The following RCAN1 variants were observed in gnomAD, a reference collection of about 807,000 sequenced individuals.
The protein encoded by RCAN1 is calcipressin-1.
A neutral mutation model predicts 22.9 loss-of-function variants in RCAN1; 11 were observed. The observed-to-expected ratio is 0.48, with a 90% CI of 0.30 to 0.79. RCAN1 has a LOEUF of 0.79. Among genes scored for constraint, RCAN1 ranks in the 30% least tolerant of loss-of-function variants. The pLI is 0.06. For synonymous variants in RCAN1, 136 were observed against 142.3 expected (o/e 0.96, Z 0.32); for missense variants, 291 against 337.8 (o/e 0.86, Z 1.09).
intron 1 of RCAN1, among the ~76,000 whole-genome samples, chr21:34,563,255 A>C (rs1397223145): frequency 6.6e-6 from 1 of 152,196 alleles, no homozygotes. Flanking sequence ...TTTTGAGTTA[A>C]AATTTAGGGT....
chr21:34,565,608 T>C (rs567551480), intron 1 of RCAN1, among the ~76,000 whole-genome samples: 1 of 152,344 alleles, frequency 6.6e-6, no homozygotes, highest in South Asian at 2.1e-4. Flanking sequence ...TGTGTGTGTA[T>C]ATGTATTGAA....
chr21:34,540,299 CA>C (rs1985854785), intron 1 of RCAN1, among the ~76,000 whole-genome samples: 1 of 152,280 alleles, frequency 6.6e-6, no homozygotes, highest in East Asian at 1.9e-4. Context: ...AAGTCAGTTA[CA>C]GGGGAAAATT....
In RCAN1 at chr21:34,518,204, G is replaced by C; in HGVS notation, c.639C>G (p.Val213=). The C allele has an allele frequency of 6.2e-7, 1 of 1,614,046 alleles. No homozygotes were observed. Among genetic ancestry groups the C allele is most frequent in the Non-Finnish European group, 8.5e-7 (1 of 1,180,012 alleles). The change falls in exon 4 of 4, where the codon GTC becomes GTG. Residue 213 remains valine, a synonymous_variant. Transcript: ENST00000313806. The surrounding 1 kb of genome is among the most constrained non-coding windows in gnomAD (Gnocchi z 4.2). Reference sequence around the variant, plus strand: ...TCTCTTGATCACTCTCACATACATGGACCACCACGCTGGGAGTGGTGTCAG... The same window carrying C: ...TCTCTTGATCACTCTCACATACATGCACCACCACGCTGGGAGTGGTGTCAG... ...AATDTTPSVV[V]HVCESDQEKE...
intron 1 of RCAN1, among the ~76,000 whole-genome samples, chr21:34,591,005 C>A (rs1220900679): frequency 6.6e-6 from 1 of 152,102 alleles, no homozygotes; most frequent in African/African-American, 2.4e-5. Context: ...CCGTGCACAG[C>A]GAGGCCTCTG....
intron 1 of RCAN1, among the ~76,000 whole-genome samples, chr21:34,556,387 C>T (rs1986573103): frequency 6.6e-6 from 1 of 150,382 alleles, no homozygotes; most frequent in Non-Finnish European, 1.5e-5. Flanking sequence ...GATCGTGCCA[C>T]TGCACTCCAG....
chr21:34,610,602 C>A (rs1988660503), intron 1 of RCAN1, among the ~76,000 whole-genome samples: 1 of 152,212 alleles, frequency 6.6e-6, no homozygotes, highest in Admixed American at 6.5e-5. Flanking sequence ...TCAGGCCAAA[C>A]CCCGGCTTCA....
intron 1 of RCAN1, among the ~76,000 whole-genome samples, chr21:34,581,244 G>C (rs939699041): frequency 1.3e-5 from 2 of 152,094 alleles, no homozygotes; most frequent in Non-Finnish European, 2.9e-5. Context: ...TCAAGATGCT[G>C]TTTCTAGGGT....
intron 1 of RCAN1, among the ~76,000 whole-genome samples, chr21:34,561,917 T>TCC (rs1986805589): frequency 6.6e-6 from 1 of 152,168 alleles, no homozygotes; most frequent in Non-Finnish European, 1.5e-5. Context: ...GGGATTTGGT[T>TCC]CCTTAAAAGG....
At chr21:34,577,472 G>A (rs906969839) in intron 1 of RCAN1, among the ~76,000 whole-genome samples, 6 of 152,014 alleles carry the variant, frequency 3.9e-5, no homozygotes, top group South Asian at 2.1e-4. Flanking sequence ...GGTGGTGTGC[G>A]CCTGTAGTCC....
At chr21:34,526,976 A>C in intron 1 of RCAN1, 1 of 1,340,616 alleles carries the variant, frequency 7.5e-7, no homozygotes, top group Non-Finnish European at 9.5e-7. Context: ...GACAAAGTGT[A>C]AGTTTCTACT....
chr21:34,614,763 G>A lies in RCAN1; in HGVS notation c.249C>T (p.Cys83=). Residue 83 remains cysteine (C), a synonymous_variant, in exon 1 of 4, where the codon TGC becomes TGT. Transcript: ENST00000313806. This position sits in a 1 kb window ranked among gnomAD's most constrained non-coding sequence, Gnocchi z 6.0. ...LDPRVFVDGL[C]RAKFESLFRT... ...GCCCGCCCGGCGCGGTCCTCACCCGGCACAGGCCGTCCACGAACACGCGCG... is the reference window on the plus strand; with the variant it reads ...GCCCGCCCGGCGCGGTCCTCACCCGACACAGGCCGTCCACGAACACGCGCG... 1 of 1,444,434 alleles carries A rather than the reference G, an allele frequency of 6.9e-7. No individual in the cohort carries two copies. The highest frequency in any genetic ancestry group is 9.1e-7 in the Non-Finnish European group (1 of 1,094,338). The allele number at this position is 1,444,434 out of a possible 1,614,324, so 89.5% of individuals were successfully genotyped here. A position where few individuals can be genotyped will look rare whatever the true frequency, so the allele number is the denominator to read the frequency against.
intron 1 of RCAN1, among the ~76,000 whole-genome samples, chr21:34,541,683 C>A (rs1477512553): frequency 6.6e-6 from 1 of 152,220 alleles, no homozygotes; most frequent in Non-Finnish European, 1.5e-5. Flanking sequence ...GCCTGTAATG[C>A]CAGCACTTTG....
chr21:34,553,120 G>T (rs958566079), intron 1 of RCAN1, among the ~76,000 whole-genome samples: 1 of 152,166 alleles, frequency 6.6e-6, no homozygotes, highest in African/African-American at 2.4e-5. Context: ...ACAAACAAAA[G>T]AAACAGACAG....
chr21:34,543,711 C>A (rs1438657730), intron 1 of RCAN1, among the ~76,000 whole-genome samples: 1 of 152,232 alleles, frequency 6.6e-6, no homozygotes, highest in Non-Finnish European at 1.5e-5. Context: ...TTTATTTCTT[C>A]TTCTCCTGAC....
In RCAN1 at chr21:34,523,676, T is replaced by C; in HGVS notation, c.287A>G (p.Lys96Arg). The C allele has an allele frequency of 1.2e-6, 2 of 1,613,930 alleles. No homozygotes were observed. Among genetic ancestry groups the C allele is most frequent in the Non-Finnish European group, 1.7e-6 (2 of 1,179,986 alleles). Residue 96 changes from lysine to arginine, a missense_variant, in exon 2 of 4, where the codon AAG (lysine) becomes AGG (arginine). Lys to Arg is a conservative substitution (Grantham distance 26, BLOSUM62 2). Transcript: ENST00000313806. ...CTTAAAATACTGAAAGGTGATGTCC[T>C]TGTCATACGTCCTAAAGAGGGACTC... ...KFESLFRTYD[K>R]DITFQYFKSF... is the part of the protein sequence containing the mutation.
intron 1 of RCAN1, among the ~76,000 whole-genome samples, chr21:34,585,131 A>G (rs1258091194): frequency 1.3e-5 from 2 of 152,254 alleles, no homozygotes; most frequent in Non-Finnish European, 2.9e-5. Flanking sequence ...TAAGATTTCA[A>G]CTTCACTCTT....
chr21:34,570,537 A>G (rs1411981030), intron 1 of RCAN1, among the ~76,000 whole-genome samples: 1 of 152,088 alleles, frequency 6.6e-6, no homozygotes, highest in Non-Finnish European at 1.5e-5. Flanking sequence ...CACGTGGAGC[A>G]TGTTTTCCAC....
chr21:34,557,241 T>A (rs1986616191), intron 1 of RCAN1, among the ~76,000 whole-genome samples: 1 of 152,032 alleles, frequency 6.6e-6, no homozygotes, highest in Non-Finnish European at 1.5e-5. Flanking sequence ...AAATTAAATT[T>A]AAAAAAGCTG....
chr21:34,556,065 A>AAAATAAATAAAT (rs71324312), intron 1 of RCAN1, among the ~76,000 whole-genome samples: 32,094 of 107,710 alleles, frequency 0.3, 5,374 homozygotes, highest in South Asian at 0.36. Flanking sequence ...TCCATTTCAA[A>AAAATAAATAAAT]AAATAAATAA....
Sources: gnomAD v4.1 joint callset for allele counts (sites outside exome capture counted in the v4.1 genomes callset) on GRCh38, gnomAD v4.1.1 for gene constraint, Gnocchi (gnomAD v3.1) non-coding constraint, MANE v1.5 for transcripts, NCBI Gene and HGNC (gene_info 2026-07-23, HGNC 2026-07-21) for gene names.